GPC4: variants seen among roughly 807,000 people sequenced by gnomAD.
The protein encoded by GPC4 is glypican 4.
GPC4 carries 10 observed loss-of-function variants against 35.0 expected under a neutral mutation model. The ratio of observed to expected loss-of-function variants is 0.29; its 90% confidence interval spans 0.18 to 0.48. The LOEUF is 0.48. Ranked by LOEUF, GPC4 falls within the 20% of genes least tolerant of loss-of-function variation. GPC4 has a pLI of 0.99. For synonymous variants in GPC4, 167 were observed against 170.2 expected (o/e 0.98, Z 0.15); for missense variants, 322 against 451.3 (o/e 0.71, Z 2.60).
intron 2 of GPC4, among the ~76,000 whole-genome samples, chrX:133,333,499 C>T (rs2068429737): frequency 8.9e-6 from 1 of 112,939 alleles, no homozygotes; most frequent in Non-Finnish European, 1.9e-5. Context: ...GAAATGTGTG[C>T]ATTTTGTCTG....
rs193085296 is a variant in GPC4 at position 133,317,663 on chromosome X, T to C, written c.712-6240A>G. On this transcript the variant is annotated intron_variant, in intron 3 of 8. Transcript: ENST00000370828. Reference sequence around the variant, plus strand: ...ATACATTCATTGCACTATTTTTTTGTTTTTGTTTTTTGCACAGCCAATAGT... The same window carrying C: ...ATACATTCATTGCACTATTTTTTTGCTTTTGTTTTTTGCACAGCCAATAGT... 3.3e-3 allele frequency among the ~76,000 whole-genome samples: 372 copies of C among 111,801 alleles called. 8 individuals are homozygous for C. Among genetic ancestry groups the C allele is most frequent in the Admixed American group, 0.032 (332 of 10,441 alleles).
At chrX:133,335,837 G>A (rs932173281) in intron 2 of GPC4, among the ~76,000 whole-genome samples, 2 of 112,135 alleles carry the variant, frequency 1.8e-5, no homozygotes, top group Non-Finnish European at 3.8e-5. Context: ...GACATAGACA[G>A]GTTTTGATGA....
At chrX:133,405,283 AT>A (rs1225149860) in intron 1 of GPC4, among the ~76,000 whole-genome samples, 1 of 110,228 alleles carries the variant, frequency 9.1e-6, no homozygotes, top group Non-Finnish European at 1.9e-5. Flanking sequence ...TAATTTTGGC[AT>A]TTTTAGTAGA....
At chrX:133,347,704 G>A (rs2068499785) in intron 1 of GPC4, among the ~76,000 whole-genome samples, 2 of 111,421 alleles carry the variant, frequency 1.8e-5, no homozygotes, top group South Asian at 7.6e-4. Context: ...CTCCAGGGAG[G>A]TGGGGGGACG....
At chrX:133,368,431 C>G (rs762870895) in intron 1 of GPC4, among the ~76,000 whole-genome samples, 1 of 111,491 alleles carries the variant, frequency 9.0e-6, no homozygotes, top group South Asian at 3.8e-4. Flanking sequence ...TCATTCTAGC[C>G]TCCGTATCCA....
Position 133,300,167 on chromosome X carries a change from T to A in GPC4, c.*2700A>T, listed in dbSNP as rs967444156. 9 of 112,796 alleles carry A rather than the reference T, an allele frequency of 8.0e-5. No individual in the cohort carries two copies. Among genetic ancestry groups the A allele is most frequent in the African/African-American group, 2.2e-4 (7 of 31,118 alleles). The allele number at this position is 112,796 out of a possible 1,213,427, so 9.3% of individuals were successfully genotyped here. A position where few individuals can be genotyped will look rare whatever the true frequency, so the allele number is the denominator to read the frequency against. ...CACAAATGACAATTTTTACTTCATG[T>A]GAACTGTTAGGTTTTGAACACTCAG... is the stretch of plus-strand genomic sequence containing the variant. On this transcript the variant is annotated 3_prime_UTR_variant, in exon 9 of 9. Transcript: ENST00000370828.
intron 1 of GPC4, among the ~76,000 whole-genome samples, chrX:133,389,162 T>C (rs1294577115): frequency 9.1e-6 from 1 of 109,303 alleles, no homozygotes; most frequent in Admixed American, 9.8e-5. Flanking sequence ...TTTCATGATG[T>C]TGCCCAGGCT....
chrX:133,389,867 G>A (rs2068711535), intron 1 of GPC4, among the ~76,000 whole-genome samples: 1 of 111,694 alleles, frequency 9.0e-6, no homozygotes, highest in African/African-American at 3.3e-5. Flanking sequence ...TTTCGGGCAG[G>A]AGCATCCTAA....
At chrX:133,411,215 G>A (rs1483757140) in intron 1 of GPC4, among the ~76,000 whole-genome samples, 1 of 111,872 alleles carries the variant, frequency 8.9e-6, no homozygotes, top group Non-Finnish European at 1.9e-5. Context: ...ACACAGAAGG[G>A]AACAAGAAAT....
intron 1 of GPC4, among the ~76,000 whole-genome samples, chrX:133,390,395 A>C (rs2124173452): frequency 8.9e-6 from 1 of 112,037 alleles, no homozygotes; most frequent in East Asian, 2.8e-4. Flanking sequence ...GGGTTTCATC[A>C]GCCAAAAATC....
chrX:133,366,697 C>T (rs192604806), intron 1 of GPC4, among the ~76,000 whole-genome samples: 2 of 110,821 alleles, frequency 1.8e-5, no homozygotes, highest in African/African-American at 6.6e-5. Flanking sequence ...GGCAGGGAAC[C>T]TAAGGCCAAT....
At chrX:133,345,593 T>C (rs1036188343) in intron 1 of GPC4, among the ~76,000 whole-genome samples, 3 of 112,312 alleles carry the variant, frequency 2.7e-5, no homozygotes, top group Non-Finnish European at 5.6e-5. Context: ...GTTCAAACCA[T>C]GTTCAAATAA....
chrX:133,316,976 C>A (rs758039517), intron 3 of GPC4, among the ~76,000 whole-genome samples: 1 of 112,102 alleles, frequency 8.9e-6, no homozygotes, highest in African/African-American at 3.2e-5. Flanking sequence ...AAAAAGATTT[C>A]TACATTATTT....
At chrX:133,312,969 T>C (rs2068322858) in intron 3 of GPC4, among the ~76,000 whole-genome samples, 1 of 111,646 alleles carries the variant, frequency 9.0e-6, no homozygotes, top group Non-Finnish European at 1.9e-5. Flanking sequence ...AGCAGCTAAT[T>C]AAAAGTTCCT....
intron 3 of GPC4, among the ~76,000 whole-genome samples, chrX:133,317,585 C>T (rs901140152): frequency 3.6e-5 from 4 of 111,736 alleles, no homozygotes; most frequent in Non-Finnish European, 7.5e-5. Context: ...ACAGTCAACA[C>T]GCTGTACTGA....
intron 1 of GPC4, among the ~76,000 whole-genome samples, chrX:133,409,320 T>TAAAA (rs36008423): frequency 3.5e-4 from 11 of 31,795 alleles, no homozygotes; most frequent in East Asian, 1.0e-3. Context: ...GACCCTGCCT[T>TAAAA]AAAAAAAAAA....
chrX:133,399,312 G>A lies in GPC4; in HGVS notation c.160+15494C>T, dbSNP rs540813096. 3.9e-4 allele frequency among the ~76,000 whole-genome samples: 43 copies of A among 111,043 alleles called. No individual in the cohort carries two copies. The South Asian group carries it at 0.014, about 35-fold the overall frequency. On this transcript the variant is annotated intron_variant, in intron 1 of 8. Coordinates refer to ENST00000370828, the MANE Select transcript of GPC4 (RefSeq NM_001448.3). ...AACAACAGTGCAAAGTGACACAAGC[G>A]TTAACTTTGCATTTTCCAGTGCCCC...
rs138976741 is a variant in GPC4, at chrX:133,395,504, A to G, written c.160+19302T>C. 4.5e-4 allele frequency among the ~76,000 whole-genome samples: 50 copies of G among 111,137 alleles called. 1 individual carries two copies. Among genetic ancestry groups the G allele is most frequent in the African/African-American group, 1.5e-3 (47 of 30,601 alleles). On this transcript the variant is annotated intron_variant, in intron 1 of 8. Coordinates refer to ENST00000370828, the MANE Select transcript of GPC4 (RefSeq NM_001448.3). The stretch of plus-strand genomic sequence containing the variant: ...CCAGGTATGGTGGTGCATGCCTGTA[A>G]TCCCAGCTACTTGGGAGGCTGAGGC...
intron 1 of GPC4, among the ~76,000 whole-genome samples, chrX:133,411,845 G>T (rs5977871): frequency 9.0e-6 from 1 of 111,068 alleles, no homozygotes; most frequent in African/African-American, 3.3e-5. Context: ...CAAGCAGACA[G>T]GCAATGCAGG....
Sources: allele counts gnomAD v4.1 joint callset (sites outside exome capture counted in the v4.1 genomes callset), GRCh38; gene constraint gnomAD v4.1.1; transcripts MANE v1.5; gene names NCBI Gene and HGNC (gene_info 2026-07-23, HGNC 2026-07-21).